THSD7B: variants seen among roughly 807,000 people sequenced by gnomAD.
THSD7B encodes the protein thrombospondin type-1 domain-containing protein 7B.
A neutral mutation model predicts 213.6 loss-of-function variants in THSD7B; 138 were observed. The ratio of observed to expected loss-of-function variants is 0.65; its 90% CI spans 0.56 to 0.74. THSD7B has a LOEUF of 0.74. THSD7B is among the 30% of genes least tolerant of loss of function. THSD7B has a pLI of 0.00. For missense variants in THSD7B, 1,931 were observed against 1,991.5 expected (o/e 0.97, Z 0.58); for synonymous variants, 742 against 687.0 (o/e 1.08, Z -1.25).
intron 2 of THSD7B, among the ~76,000 whole-genome samples, chr2:136,891,441 T>A (rs1485276492): frequency 1.3e-5 from 2 of 152,240 alleles, no homozygotes; most frequent in Non-Finnish European, 2.9e-5. Flanking sequence ...TCAAATAATC[T>A]ATATTTATCA....
chr2:137,146,862 T>C (rs998590956), intron 5 of THSD7B, among the ~76,000 whole-genome samples: 1 of 152,138 alleles, frequency 6.6e-6, no homozygotes, highest in Non-Finnish European at 1.5e-5. Context: ...TCTAATATGT[T>C]TATTTTGTTG....
chr2:137,237,670 C>G (rs1373288128), intron 9 of THSD7B, among the ~76,000 whole-genome samples: 4 of 152,154 alleles, frequency 2.6e-5, no homozygotes, highest in African/African-American at 7.2e-5. Flanking sequence ...ACCAACTTTA[C>G]CTTTTTCAGA....
chr2:137,039,916 T>C (rs1306927085), intron 2 of THSD7B, among the ~76,000 whole-genome samples: 1 of 152,224 alleles, frequency 6.6e-6, no homozygotes, highest in African/African-American at 2.4e-5. Context: ...ATTGTGTTTC[T>C]GTCCACATGC....
At chr2:137,546,386 T>TAA (rs1306801748) in intron 15 of THSD7B, among the ~76,000 whole-genome samples, 4 of 33,338 alleles carry the variant, frequency 1.2e-4, no homozygotes, top group African/African-American at 1.9e-4. Context: ...AATATATATA[T>TAA]TATATATATT....
intron 17 of THSD7B, among the ~76,000 whole-genome samples, chr2:137,594,637 A>C (rs572931999): frequency 2.7e-4 from 41 of 152,116 alleles, no homozygotes; most frequent in African/African-American, 9.6e-4. Context: ...TGAGTCTAAA[A>C]ATTTGATAAT....
At chr2:137,423,575 T>G (rs111878058) in intron 14 of THSD7B, among the ~76,000 whole-genome samples, 2,181 of 152,156 alleles carry the variant, frequency 0.014, 44 homozygotes, top group African/African-American at 0.05. Flanking sequence ...TAAGAATCTA[T>G]TTAACGAAAG....
At position 137,372,880 on chromosome 2, in the gene THSD7B, A is replaced by G. The variant is rs1359771069; in HGVS notation, c.2501-32733A>G. Among the ~76,000 whole-genome samples, 17 of 120,442 alleles carry G rather than the reference A, an allele frequency of 1.4e-4. No individual in the cohort carries two copies. In the East Asian group the frequency reaches 1.6e-3, roughly 11 times the overall value. 79.0% of individuals were successfully genotyped at this position (120,442 alleles called of 152,430 possible). On this transcript the variant is annotated intron_variant, in intron 12 of 27. Transcript: ENST00000409968. ...ACCCCACAACAGTCCCCAGAGTGTG[A>G]TGTTCCCCTTCCTGTGTCCATGTGT...
At chr2:137,670,908 G>T (rs1391229913) in intron 27 of THSD7B, among the ~76,000 whole-genome samples, 2 of 135,056 alleles carry the variant, frequency 1.5e-5, no homozygotes, top group Non-Finnish European at 3.0e-5. Context: ...GCGACAGAGT[G>T]AGACTCCGCC....
At chr2:137,271,911 T>G (rs577197696) in intron 10 of THSD7B, among the ~76,000 whole-genome samples, 6 of 152,226 alleles carry the variant, frequency 3.9e-5, no homozygotes, top group African/African-American at 1.4e-4. Flanking sequence ...GTTTTTTAAT[T>G]GATGTTCCTA....
chr2:137,598,554 C>T (rs1237899319), intron 17 of THSD7B, among the ~76,000 whole-genome samples: 2 of 152,190 alleles, frequency 1.3e-5, no homozygotes, highest in African/African-American at 2.4e-5. Context: ...ACAGTTATAA[C>T]TGCTCAAAAC....
chr2:137,327,455 C>T (rs1410518510), intron 12 of THSD7B, among the ~76,000 whole-genome samples: 1 of 151,880 alleles, frequency 6.6e-6, no homozygotes, highest in East Asian at 1.9e-4. Flanking sequence ...CATCTTTCTC[C>T]TTTTCCTTCC....
At chr2:137,087,841 C>A (rs1360814209) in intron 3 of THSD7B, among the ~76,000 whole-genome samples, 1 of 152,048 alleles carries the variant, frequency 6.6e-6, no homozygotes. Flanking sequence ...CCTGCATAGC[C>A]AAAGCAAGAC....
At chr2:137,609,682 A>C (rs1196176908) in intron 17 of THSD7B, among the ~76,000 whole-genome samples, 3 of 152,236 alleles carry the variant, frequency 2.0e-5, no homozygotes, top group African/African-American at 7.2e-5. Context: ...GTTTTCACTA[A>C]GTCGGGAAGT....
intron 15 of THSD7B, among the ~76,000 whole-genome samples, chr2:137,529,215 A>G (rs1287533176): frequency 6.6e-6 from 1 of 152,012 alleles, no homozygotes; most frequent in East Asian, 1.9e-4. Flanking sequence ...ACTATGGGCA[A>G]TCTAGATATG....
intron 3 of THSD7B, among the ~76,000 whole-genome samples, chr2:137,076,640 C>A (rs1163265055): frequency 2.6e-5 from 4 of 152,178 alleles, no homozygotes; most frequent in Non-Finnish European, 5.9e-5. Context: ...GAACCCGGTA[C>A]CTCAGTTGGA....
At position 137,676,985 on chromosome 2, in the gene THSD7B, G is replaced by A. The variant is rs1351850809; in HGVS notation, c.*380G>A. The A allele has an allele frequency of 1.2e-5, 2 of 171,440 alleles. No homozygotes were observed. The highest frequency in any genetic ancestry group is 2.5e-5 in the Non-Finnish European group (2 of 81,348). The allele number at this position is 171,440 out of a possible 1,614,324, so 10.6% of individuals were successfully genotyped here. ...AGTCAAGGCATTTACTCTAAATGAC[G>A]AGTCTGACACTGCATTGTTACGCAC... On this transcript the variant is annotated 3_prime_UTR_variant, in exon 28 of 28. Transcript: ENST00000409968.
At chr2:137,673,258 G>A (rs1407665158) in intron 27 of THSD7B, among the ~76,000 whole-genome samples, 1 of 109,576 alleles carries the variant, frequency 9.1e-6, no homozygotes, top group East Asian at 2.9e-4. Flanking sequence ...CCCTAAAAGA[G>A]GTAACTTTAA....
At chr2:137,636,072 A>G (rs547498816) in intron 20 of THSD7B, among the ~76,000 whole-genome samples, 143 of 152,264 alleles carry the variant, frequency 9.4e-4, no homozygotes, top group African/African-American at 2.9e-3. Context: ...GGCAGTCCTC[A>G]TCATCTGATA....
chr2:136,965,872 T>G (rs1399703415), intron 2 of THSD7B, among the ~76,000 whole-genome samples: 1 of 152,182 alleles, frequency 6.6e-6, no homozygotes, highest in Admixed American at 6.5e-5. Context: ...GGTAGGTGCT[T>G]AATATATGAT....
Sources: allele counts gnomAD v4.1 joint callset (sites outside exome capture counted in the v4.1 genomes callset), GRCh38; gene constraint gnomAD v4.1.1; transcripts MANE v1.5; gene names NCBI Gene and HGNC (gene_info 2026-07-23, HGNC 2026-07-21).